The following PDZRN4 variants were observed in gnomAD, a reference collection of about 807,000 sequenced individuals.
PDZRN4 encodes PDZ domain-containing RING finger protein 4.
Under a neutral mutation model 99.0 loss-of-function variants are expected in PDZRN4, and 70 were observed. The ratio of observed to expected loss-of-function variants is 0.71; its 90% CI spans 0.58 to 0.86. The LOEUF (loss-of-function observed/expected upper bound fraction) is 0.86. Ranked by LOEUF, PDZRN4 falls within the 40% of genes least tolerant of loss-of-function variation. PDZRN4 has a pLI of 0.00. For missense variants in PDZRN4, 1,474 were observed against 1,331.2 expected, an observed-to-expected ratio of 1.11 and a Z score of -1.67; for synonymous variants, 551 against 501.6, an observed-to-expected ratio of 1.10 and a Z score of -1.32.
chr12:41,406,125 T>A (rs572435711), intron 3 of PDZRN4, among the ~76,000 whole-genome samples: 1 of 152,136 alleles, frequency 6.6e-6, no homozygotes, highest in Non-Finnish European at 1.5e-5. Context: ...TAAAAAACAT[T>A]AAATGTATCC....
At chr12:41,533,397 A>G (rs1200544685) in intron 5 of PDZRN4, among the ~76,000 whole-genome samples, 3 of 150,264 alleles carry the variant, frequency 2.0e-5, no homozygotes, top group Non-Finnish European at 4.4e-5. Flanking sequence ...CTGGTCTTGA[A>G]CTCCTGACCT....
intron 3 of PDZRN4, among the ~76,000 whole-genome samples, chr12:41,325,618 G>GCTC (rs1440561302): frequency 6.6e-6 from 1 of 152,136 alleles, no homozygotes; most frequent in Non-Finnish European, 1.5e-5. Flanking sequence ...CTACGGGTTA[G>GCTC]TTAAGAGCAA....
chr12:41,296,387 C>A (rs75789796), intron 3 of PDZRN4, among the ~76,000 whole-genome samples: 2,195 of 152,242 alleles, frequency 0.014, 22 homozygotes, highest in Middle Eastern at 0.034. Flanking sequence ...TTGGGGGCTG[C>A]TCAAGGCATT....
intron 3 of PDZRN4, among the ~76,000 whole-genome samples, chr12:41,214,877 T>C (rs1187468738): frequency 2.0e-5 from 3 of 152,012 alleles, no homozygotes; most frequent in African/African-American, 7.2e-5. Context: ...ATGTATCTGT[T>C]TGAGAGAAAA....
rs561066038 is a variant in PDZRN4 at position 41,196,773 on chromosome 12, A to G, written c.843+2585A>G. Among the ~76,000 whole-genome samples the G allele has an allele frequency of 1.6e-4, 24 of 152,258 alleles. No homozygotes were observed. The South Asian group carries it at 3.7e-3, about 24-fold the overall frequency. ...CTAATTGGAAATTGAGAAGAAATCT[A>G]TCAATTTAAAATGTGCAGATGCATA... On this transcript the variant is annotated intron_variant, in intron 3 of 9. Transcript: ENST00000402685.
chr12:41,194,132 G>GA lies in PDZRN4; in HGVS notation c.791dup (p.Asn264LysfsTer5). 1 of 1,577,086 alleles carries GA rather than the reference G, an allele frequency of 6.3e-7. No individual in the cohort carries two copies. Among genetic ancestry groups the GA allele is most frequent in the Non-Finnish European group, 8.6e-7 (1 of 1,159,500 alleles). On this transcript the variant is annotated frameshift_variant, in exon 3 of 10. Coordinates refer to ENST00000402685, the MANE Select transcript of PDZRN4 (RefSeq NM_001164595.2). LOFTEE classifies it high-confidence loss of function. Reference sequence around the variant, plus strand: ...AGGAATTTACGTTTCAAAAATTTTAGAAAATGGACCTGCTGACAGAGCAGA... The same window carrying GA: ...AGGAATTTACGTTTCAAAAATTTTAGAAAAATGGACCTGCTGACAGAGCAGA...
At chr12:41,421,308 C>T (rs1193975170) in intron 3 of PDZRN4, among the ~76,000 whole-genome samples, 2 of 152,044 alleles carry the variant, frequency 1.3e-5, no homozygotes, top group Non-Finnish European at 2.9e-5. Context: ...AAGTGATTCT[C>T]CTGCCTCAAC....
At chr12:41,413,804 C>T (rs1952418971) in intron 3 of PDZRN4, among the ~76,000 whole-genome samples, 1 of 151,824 alleles carries the variant, frequency 6.6e-6, no homozygotes, top group South Asian at 2.1e-4. Context: ...GGTGTTAAGA[C>T]CGTTTACATT....
At chr12:41,337,848 A>G (rs1370103366) in intron 3 of PDZRN4, among the ~76,000 whole-genome samples, 1 of 152,110 alleles carries the variant, frequency 6.6e-6, no homozygotes. Context: ...ATACTATAAA[A>G]TGAAGGATGC....
intron 8 of PDZRN4, among the ~76,000 whole-genome samples, chr12:41,566,474 C>T (rs1184734933): frequency 6.6e-6 from 1 of 152,096 alleles, no homozygotes; most frequent in Non-Finnish European, 1.5e-5. Context: ...TTTCATAGCT[C>T]ATCTGCATAT....
At chr12:41,339,235 C>T (rs544817353) in intron 3 of PDZRN4, among the ~76,000 whole-genome samples, 20 of 151,790 alleles carry the variant, frequency 1.3e-4, no homozygotes, top group South Asian at 2.1e-4. Flanking sequence ...AACACATAGA[C>T]GAATGGAACA....
intron 3 of PDZRN4, among the ~76,000 whole-genome samples, chr12:41,426,943 A>T (rs572023083): frequency 6.6e-6 from 1 of 152,306 alleles, no homozygotes; most frequent in Admixed American, 6.5e-5. Context: ...GAGCTTGTGC[A>T]CTTGCAACTT....
At chr12:41,343,438 T>A (rs1951830763) in intron 3 of PDZRN4, among the ~76,000 whole-genome samples, 1 of 152,026 alleles carries the variant, frequency 6.6e-6, no homozygotes, top group African/African-American at 2.4e-5. Context: ...TTGTTTCAAT[T>A]TCTTTTAGTT....
At chr12:41,328,857 C>A (rs183729946) in intron 3 of PDZRN4, among the ~76,000 whole-genome samples, 4 of 152,204 alleles carry the variant, frequency 2.6e-5, no homozygotes, top group Admixed American at 2.6e-4. Flanking sequence ...GGGAGTGAGG[C>A]TTTTCTGATT....
chr12:41,407,705 CA>C (rs1952359763), intron 3 of PDZRN4, among the ~76,000 whole-genome samples: 1 of 103,176 alleles, frequency 9.7e-6, no homozygotes, highest in Non-Finnish European at 1.9e-5. Context: ...TTTACATGTA[CA>C]AAAGAGAAAA....
chr12:41,444,991 G>C (rs1292283162), intron 3 of PDZRN4, among the ~76,000 whole-genome samples: 1 of 151,742 alleles, frequency 6.6e-6, no homozygotes, highest in East Asian at 1.9e-4. Flanking sequence ...AATAAGTGAA[G>C]AGCCCTTCCA....
intron 3 of PDZRN4, among the ~76,000 whole-genome samples, chr12:41,425,765 G>A (rs1432882481): frequency 2.0e-5 from 3 of 152,156 alleles, no homozygotes; most frequent in Non-Finnish European, 4.4e-5. Flanking sequence ...AATAGCAATT[G>A]CGGATTTTTA....
chr12:41,459,951 G>A, intron 3 of PDZRN4: 3 of 1,273,486 alleles, frequency 2.4e-6, no homozygotes, highest in Non-Finnish European at 3.0e-6. Context: ...TTTGTTTCAG[G>A]AGCTGTGACT....
intron 3 of PDZRN4, among the ~76,000 whole-genome samples, chr12:41,424,991 T>C (rs947505685): frequency 2.0e-5 from 3 of 152,000 alleles, no homozygotes; most frequent in African/African-American, 7.2e-5. Flanking sequence ...AGAAAATAGG[T>C]CAGTTGATAT....
Sources: allele counts gnomAD v4.1 joint callset (sites outside exome capture counted in the v4.1 genomes callset), GRCh38; gene constraint gnomAD v4.1.1; transcripts MANE v1.5; gene names NCBI Gene and HGNC (gene_info 2026-07-23, HGNC 2026-07-21).